Variants in OPCML observed in about 807,000 individuals in gnomAD.
The protein encoded by OPCML is opioid binding protein/cell adhesion molecule like.
Under a neutral mutation model 37.8 loss-of-function variants are expected in OPCML, and 13 were observed. The observed-to-expected ratio is 0.34, with a 90% confidence interval of 0.22 to 0.55. The LOEUF (loss-of-function observed/expected upper bound fraction) is 0.55. OPCML is among the 20% of genes least tolerant of loss of function. OPCML has a pLI of 0.91. For synonymous variants in OPCML, 176 were observed against 168.8 expected (o/e 1.04, Z -0.33); for missense variants, 341 against 435.6 (o/e 0.78, Z 1.93).
intron 2 of OPCML, among the ~76,000 whole-genome samples, chr11:132,739,676 TAAG>T (rs777351567): frequency 6.6e-6 from 1 of 152,214 alleles, no homozygotes; most frequent in Non-Finnish European, 1.5e-5. Context: ...CAGTGTGTGA[TAAG>T]AAGATTGAAA....
intron 1 of OPCML, among the ~76,000 whole-genome samples, chr11:133,199,553 G>T (rs1938680165): frequency 1.3e-5 from 2 of 152,286 alleles, no homozygotes; most frequent in African/African-American, 4.8e-5. Context: ...AAAGGACTGA[G>T]GGGAGGGGAG....
chr11:132,480,889 C>A (rs2096177630), intron 4 of OPCML, among the ~76,000 whole-genome samples: 1 of 152,010 alleles, frequency 6.6e-6, no homozygotes, highest in Non-Finnish European at 1.5e-5. Context: ...TGGAAAGGAA[C>A]AACCGCTACC....
intron 1 of OPCML, among the ~76,000 whole-genome samples, chr11:133,180,975 C>G (rs1463551718): frequency 6.6e-6 from 1 of 152,108 alleles, no homozygotes; most frequent in African/African-American, 2.4e-5. Context: ...CCCAGGTGTC[C>G]TTCAACAGGT....
At chr11:132,902,998 A>G (rs1944115167) in intron 2 of OPCML, among the ~76,000 whole-genome samples, 1 of 152,152 alleles carries the variant, frequency 6.6e-6, no homozygotes, top group Admixed American at 6.5e-5. Context: ...ACTTTGCTCT[A>G]GGCAATTGTT....
intron 1 of OPCML, among the ~76,000 whole-genome samples, chr11:133,343,176 A>G (rs1769531290): frequency 6.6e-6 from 1 of 152,070 alleles, no homozygotes. Context: ...ACAAAGTCCA[A>G]GTTCTCTCCA....
At chr11:133,362,596 A>G (rs999160348) in intron 1 of OPCML, among the ~76,000 whole-genome samples, 5 of 152,200 alleles carry the variant, frequency 3.3e-5, no homozygotes, top group African/African-American at 4.8e-5. Flanking sequence ...ATGGAGATAA[A>G]TGGAACGGGA....
At chr11:132,804,210 G>A (rs1165982124) in intron 2 of OPCML, among the ~76,000 whole-genome samples, 1 of 152,102 alleles carries the variant, frequency 6.6e-6, no homozygotes, top group Non-Finnish European at 1.5e-5. Context: ...AAAGCAAGGT[G>A]AGCCCCACAA....
chr11:133,466,725 AAT>A (rs1291886967), intron 1 of OPCML, among the ~76,000 whole-genome samples: 2 of 152,222 alleles, frequency 1.3e-5, no homozygotes, highest in African/African-American at 4.8e-5. Context: ...TTTCAATGAT[AAT>A]ATACTAATAC....
chr11:132,923,346 C>T (rs1439048294), intron 2 of OPCML, among the ~76,000 whole-genome samples: 3 of 152,038 alleles, frequency 2.0e-5, no homozygotes, highest in African/African-American at 7.2e-5. Flanking sequence ...AGACTGGGTA[C>T]GGGAATCTGT....
chr11:132,958,827 C>T (rs371992128), intron 1 of OPCML, among the ~76,000 whole-genome samples: 2 of 152,266 alleles, frequency 1.3e-5, no homozygotes, highest in African/African-American at 4.8e-5. Context: ...AAAAAGATAC[C>T]TTTCCAAATA....
Position 133,197,828 on chromosome 11 carries a change from C to T in OPCML, c.62-254818G>A, listed in dbSNP as rs553487258. ...AACAAGCGTGATCCGAGTAGGACGCCTCCCCAAACAGCCTTTAGTCAAAGA... is the reference window on the plus strand; with the variant it reads ...AACAAGCGTGATCCGAGTAGGACGCTTCCCCAAACAGCCTTTAGTCAAAGA... On this transcript the variant is annotated intron_variant, in intron 1 of 7. Transcript: ENST00000524381. Among the ~76,000 whole-genome samples, 17 of 152,260 alleles carry T rather than the reference C, an allele frequency of 1.1e-4. No individual in the cohort carries two copies. The South Asian group carries it at 3.5e-3, about 32-fold the overall frequency.
intron 1 of OPCML, among the ~76,000 whole-genome samples, chr11:133,349,511 C>A (rs772696562): frequency 2.0e-5 from 3 of 152,148 alleles, no homozygotes; most frequent in Non-Finnish European, 2.9e-5. Context: ...CGGGTCTATC[C>A]TGCATGGTGA....
chr11:132,494,287 C>T (rs1013375103), intron 4 of OPCML, among the ~76,000 whole-genome samples: 2 of 152,154 alleles, frequency 1.3e-5, no homozygotes, highest in Non-Finnish European at 2.9e-5. Flanking sequence ...AATAAAACTG[C>T]GTAACAATTA....
intron 2 of OPCML, among the ~76,000 whole-genome samples, chr11:132,776,637 A>T (rs868693232): frequency 6.6e-6 from 1 of 151,994 alleles, no homozygotes; most frequent in African/African-American, 2.4e-5. Flanking sequence ...TTCCACCATG[A>T]GTGGAAGCTC....
chr11:132,938,501 T>C (rs1211952945), intron 2 of OPCML, among the ~76,000 whole-genome samples: 1 of 152,350 alleles, frequency 6.6e-6, no homozygotes, highest in Non-Finnish European at 1.5e-5. Flanking sequence ...TCAGTTGTTA[T>C]TGAGGAGTTC....
chr11:133,042,640 T>C (rs1382704947), intron 1 of OPCML, among the ~76,000 whole-genome samples: 1 of 152,178 alleles, frequency 6.6e-6, no homozygotes, highest in Non-Finnish European at 1.5e-5. Context: ...AGGTTAACTA[T>C]TACCCTGTTC....
At chr11:132,678,155 T>A (rs1045808051) in intron 2 of OPCML, among the ~76,000 whole-genome samples, 1 of 152,118 alleles carries the variant, frequency 6.6e-6, no homozygotes, top group East Asian at 1.9e-4. Context: ...ATGCTCCACA[T>A]CATATATTAT....
At chr11:132,430,026 C>T (rs983651665) in intron 7 of OPCML, among the ~76,000 whole-genome samples, 1 of 152,112 alleles carries the variant, frequency 6.6e-6, no homozygotes, top group African/African-American at 2.4e-5. Context: ...GGGGCTCTGG[C>T]ACTGAGACGA....
At chr11:133,343,135 G>A (rs1350041355) in intron 1 of OPCML, among the ~76,000 whole-genome samples, 1 of 152,116 alleles carries the variant, frequency 6.6e-6, no homozygotes, top group African/African-American at 2.4e-5. Context: ...CACCATGATG[G>A]ATTTCTGAAA....
Sources: allele counts gnomAD v4.1 joint callset (sites outside exome capture counted in the v4.1 genomes callset), GRCh38; gene constraint gnomAD v4.1.1; transcripts MANE v1.5; gene names NCBI Gene and HGNC (gene_info 2026-07-23, HGNC 2026-07-21).